Variants in SLC12A3 observed in about 807,000 individuals in gnomAD.
SLC12A3 encodes solute carrier family 12 member 3.
In SLC12A3, 104 loss-of-function variants were observed where a neutral mutation model predicts 121.0. That is an observed-to-expected ratio of 0.86 (90% CI 0.73 to 1.01). SLC12A3 has a LOEUF of 1.01. Among genes scored for constraint, SLC12A3 ranks in the 50% least tolerant of loss-of-function variants. SLC12A3 has a pLI of 0.00. For synonymous variants in SLC12A3, 536 were observed against 533.4 expected (o/e 1.00, Z -0.07); for missense variants, 1,328 against 1,356.3 (o/e 0.98, Z 0.33).
rs1555500981 is a variant in SLC12A3, at chr16:56,887,772, T to TTATA, written c.2179-129_2179-126dup. 3.6e-3 allele frequency among the ~76,000 whole-genome samples: 215 copies of TTATA among 59,952 alleles called. 3 individuals carry two copies. The highest frequency in any genetic ancestry group is 4.5e-3 in the Non-Finnish European group (157 of 34,710). The allele number at this position is 59,952 out of a possible 152,430, so 39.3% of individuals were successfully genotyped here. ...TTGTGCAAAACAAAAATTTTTAAGATTATATATATATATATATATATATAT... is the reference window on the plus strand; with the variant it reads ...TTGTGCAAAACAAAAATTTTTAAGATTATATATATATATATATATATATATATAT... On this transcript the variant is annotated intron_variant, in intron 17 of 25. Coordinates refer to ENST00000563236, the MANE Select transcript of SLC12A3 (RefSeq NM_001126108.2).
At chr16:56,865,723 A>G (rs541345265) in intron 1 of SLC12A3, among the ~76,000 whole-genome samples, 2 of 152,352 alleles carry the variant, frequency 1.3e-5, no homozygotes, top group East Asian at 3.9e-4. Context: ...CTAGCAACCC[A>G]AAGCTAGAGT....
chr16:56,890,182 A>C (rs568004063), intron 18 of SLC12A3, 92 bp from the exon 19 acceptor site: 21 of 929,962 alleles, frequency 2.3e-5, no homozygotes, highest in Middle Eastern at 4.8e-4. Context: ...TAGGAAGCAG[A>C]GCCAACTCTA....
intron 19 of SLC12A3, 35 bp downstream of exon 19, chr16:56,890,391 T>G: frequency 6.3e-7 from 1 of 1,578,160 alleles, no homozygotes; most frequent in East Asian, 2.2e-5. Context: ...CAGAAAGTTC[T>G]AGAACACATT....
intron 25 of SLC12A3, among the ~76,000 whole-genome samples, chr16:56,910,630 G>A (rs2055673099): frequency 6.6e-6 from 1 of 152,130 alleles, no homozygotes. Flanking sequence ...ATGAGCCACT[G>A]TGCCTGGCCT....
intron 4 of SLC12A3, 63 bp downstream of exon 4, chr16:56,869,887 C>A: frequency 1.3e-6 from 2 of 1,485,978 alleles, no homozygotes; most frequent in South Asian, 1.1e-5. Context: ...GGGAACAGGA[C>A]TCCCAACTTC....
At position 56,872,747 on chromosome 16, in the gene SLC12A3, A is replaced by C. The variant is rs1290918764; in HGVS notation, c.1056A>C (p.Thr352=). The change falls in exon 8 of 26, where the codon ACA becomes ACC. Residue 352 remains threonine, a synonymous_variant. Coordinates refer to ENST00000563236, the MANE Select transcript of SLC12A3 (RefSeq NM_001126108.2). ...TCTCCATCTTCTTCCCCTCGGCCAC[A>C]GGCATCCTGGCAGGGGCCAACATAT... ...GMFSIFFPSA[T]GILAGANISG... is the part of the protein sequence containing the mutation. 1 of 1,614,246 alleles carries C rather than the reference A, an allele frequency of 6.2e-7. No homozygotes were observed. The highest frequency in any genetic ancestry group is 8.5e-7 in the Non-Finnish European group (1 of 1,180,038).
Position 56,884,095 on chromosome 16 carries a change from T to G in SLC12A3, c.1716T>G (p.Phe572Leu). The stretch of plus-strand genomic sequence containing the variant: ...ACTACAACAAGTGGGCGGCGCTGTT[T>G]GGGGCTATCATCTCCGTGGTCATCA... ...FQYYNKWAAL[F>L]GAIISVVIMF... is the part of the protein sequence containing the mutation. Residue 572 changes from phenylalanine (F) to leucine (L), a missense_variant, in exon 14 of 26, where the codon TTT (phenylalanine) becomes TTG (leucine). Physicochemically the swap from Phe to Leu is conservative, Grantham distance 22. Coordinates refer to ENST00000563236, the MANE Select transcript of SLC12A3 (RefSeq NM_001126108.2). 1 of 1,614,186 alleles carries G rather than the reference T, an allele frequency of 6.2e-7. No individual in the cohort carries two copies. The highest frequency in any genetic ancestry group is 8.5e-7 in the Non-Finnish European group (1 of 1,180,014).
rs541213433 is a variant in SLC12A3, at chr16:56,914,920, A to G, written c.*1515A>G. ...GGAGGAGCCACCTGCAAGAGATGGA[A>G]AGAGCAGGCGGCAGAGGGGGCTGGC... On this transcript the variant is annotated 3_prime_UTR_variant, in exon 26 of 26. Transcript: ENST00000563236. 5 of 152,226 alleles carry G rather than the reference A, an allele frequency of 3.3e-5. No individual in the cohort carries two copies. The highest frequency in any genetic ancestry group is 3.3e-4 in the Admixed American group (5 of 15,268). 9.4% of individuals were successfully genotyped at this position (152,226 alleles called of 1,614,324 possible).
chr16:56,871,943 G>C (rs752097363), intron 6 of SLC12A3, among the ~76,000 whole-genome samples: 1 of 151,542 alleles, frequency 6.6e-6, no homozygotes, highest in Non-Finnish European at 1.5e-5. Flanking sequence ...GGCTGATCTC[G>C]AACTCCTGAC....
In SLC12A3 at chr16:56,868,345, C is replaced by G. The variant is rs761667636; in HGVS notation, c.478C>G (p.Pro160Ala). 5 of 1,613,694 alleles carry G rather than the reference C, an allele frequency of 3.1e-6. No individual in the cohort carries two copies. Among genetic ancestry groups the G allele is most frequent in the East Asian group, 2.2e-5 (1 of 44,878 alleles). ...GGGCGTGATCCTCTACCTGCGGCTGCCCTGGATTACGGCCCAGGCAGGCAT... is the reference window on the plus strand; with the variant it reads ...GGGCGTGATCCTCTACCTGCGGCTGGCCTGGATTACGGCCCAGGCAGGCAT... ...IWGVILYLRL[P>A]WITAQAGIVL... Residue 160 changes from proline (P) to alanine (A), a missense_variant, in exon 3 of 26, where the codon CCC (proline) becomes GCC (alanine). Pro to Ala is a conservative substitution (Grantham distance 27). Transcript: ENST00000563236.
At position 56,884,274 on chromosome 16, in the gene SLC12A3, G is replaced by T; in HGVS notation, c.1825+70G>T. 5 of 1,515,542 alleles carry T rather than the reference G, an allele frequency of 3.3e-6. No individual in the cohort carries two copies. The South Asian group carries it at 3.4e-5, about 10-fold the overall frequency. 93.9% of individuals were successfully genotyped at this position (1,515,542 alleles called of 1,614,324 possible). ...AGCCATGCAGGCGGCCCTGCCCTCC[G>T]CCCCAGTTGGAGGGCCCTGAGTCCG... On this transcript the variant is annotated intron_variant, in intron 14 of 25. Transcript: ENST00000563236.
chr16:56,896,304 G>A (rs1185904866), intron 22 of SLC12A3, among the ~76,000 whole-genome samples: 2 of 152,242 alleles, frequency 1.3e-5, no homozygotes, highest in Non-Finnish European at 2.9e-5. Context: ...TTGGTAACCT[G>A]TGCTTGTCTC....
intron 25 of SLC12A3, among the ~76,000 whole-genome samples, chr16:56,910,261 TG>T (rs2055667817): frequency 6.7e-6 from 1 of 148,324 alleles, no homozygotes; most frequent in African/African-American, 2.5e-5. Context: ...GCAACCTCTT[TG>T]TTTTTTTTTG....
At position 56,887,788 on chromosome 16, in the gene SLC12A3, ATATATATATATTTT is replaced by A. The variant is rs1375370537; in HGVS notation, c.2179-135_2179-122del. Reference sequence around the variant, plus strand: ...TTTTTAAGATTATATATATATATATATATATATATATTTTTTTTTTTTTTTTTTTTGAGAATCAG... The same window carrying A: ...TTTTTAAGATTATATATATATATATATTTTTTTTTTTTTTTTGAGAATCAG... On this transcript the variant is annotated intron_variant, in intron 17 of 25. Transcript: ENST00000563236. The A allele has an allele frequency of 2.5e-4, 26 of 103,918 alleles. 1 individual carries two copies. Among genetic ancestry groups the A allele is most frequent in the African/African-American group, 7.3e-4 (18 of 24,682 alleles). 6.4% of individuals were successfully genotyped at this position (103,918 alleles called of 1,614,324 possible).
intron 22 of SLC12A3, among the ~76,000 whole-genome samples, chr16:56,897,043 G>C (rs1425146118): frequency 6.6e-6 from 1 of 151,238 alleles, no homozygotes; most frequent in Non-Finnish European, 1.5e-5. Context: ...AGTGAGCCGA[G>C]ATTGTGCCAC....
At chr16:56,904,690 C>T (rs1353041046) in intron 25 of SLC12A3, 3 of 534,088 alleles carry the variant, frequency 5.6e-6, no homozygotes, top group East Asian at 6.8e-5. Flanking sequence ...TCACGTGTCC[C>T]AGGCATCAGT....
At chr16:56,878,545 A>G (rs921957546) in intron 9 of SLC12A3, among the ~76,000 whole-genome samples, 1 of 152,024 alleles carries the variant, frequency 6.6e-6, no homozygotes, top group Non-Finnish European at 1.5e-5. Flanking sequence ...CAGTCCTATC[A>G]TTGTCATTTT....
At position 56,890,354 on chromosome 16, in the gene SLC12A3, A is replaced by G. The variant is rs771386209; in HGVS notation, c.2366A>G (p.His789Arg). 6.2e-7 allele frequency: 1 copy of G among 1,613,536 alleles called. No homozygotes were observed. The highest frequency in any genetic ancestry group is 8.5e-7 in the Non-Finnish European group (1 of 1,179,412). ...GLNVSKMMQA[H>R]INPVFDPAED... ...AACGTGTCCAAGATGATGCAGGCGC[A>G]CAGTGAGTACATGCCCCACCCACTC... Residue 789 changes from histidine (H) to arginine (R), a missense_variant and splice_region_variant, in exon 19 of 26, where the codon CAC (histidine) becomes CGC (arginine). His to Arg is a conservative substitution (Grantham distance 29, BLOSUM62 0). Transcript: ENST00000563236.
chr16:56,882,481 C>T lies in SLC12A3; in HGVS notation c.1653C>T (p.Ser551=), dbSNP rs1288307000. 6 of 1,613,736 alleles carry T rather than the reference C, an allele frequency of 3.7e-6. No individual in the cohort carries two copies. Among genetic ancestry groups the T allele is most frequent in the Non-Finnish European group, 5.1e-6 (6 of 1,179,738 alleles). Residue 551 remains serine (S), a synonymous_variant, in exon 13 of 26, where the codon TCC becomes TCT. Coordinates refer to ENST00000563236, the MANE Select transcript of SLC12A3 (RefSeq NM_001126108.2). The stretch of plus-strand genomic sequence containing the variant: ...TCAACTTCAGCTGCTTCCACGCCTC[C>T]ATCACCAACTCGCCTGGTAAGCAAA... ...ALINFSCFHA[S]ITNSPGWRPS... is the part of the protein sequence containing the mutation.
Sources: gnomAD v4.1 joint callset for allele counts (sites outside exome capture counted in the v4.1 genomes callset) on GRCh38, gnomAD v4.1.1 for gene constraint, MANE v1.5 for transcripts, NCBI Gene and HGNC (gene_info 2026-07-23, HGNC 2026-07-21) for gene names.